Variants in FRY observed in about 807,000 individuals in gnomAD.
The protein encoded by FRY is FRY microtubule binding protein.
FRY carries 128 observed loss-of-function variants against 348.4 expected under a neutral mutation model. The observed-to-expected ratio is 0.37, with a 90% CI of 0.32 to 0.43. The LOEUF is 0.43. Ranked by LOEUF, FRY falls within the 20% of genes least tolerant of loss-of-function variation. FRY has a pLI of 1.00. For missense variants in FRY, 2,736 were observed against 3,695.2 expected, an observed-to-expected ratio of 0.74 and a Z score of 6.73; for synonymous variants, 1,370 against 1,374.7, an observed-to-expected ratio of 1.00 and a Z score of 0.08.
Position 32,225,850 on chromosome 13 carries a change from G to T in FRY, c.5082G>T (p.Leu1694Phe). Residue 1694 changes from leucine to phenylalanine, a missense_variant, in exon 39 of 61, where the codon TTG becomes TTT. Leu to Phe is a conservative substitution (Grantham distance 22, BLOSUM62 0). Coordinates refer to ENST00000542859, the MANE Select transcript of FRY (RefSeq NM_023037.3). Reference sequence around the variant, plus strand: ...GCAAAAAACTGCTTCTTCACCTCTTGATTGCCCTCTCTTGCAACAGCAATT... The same window carrying T: ...GCAAAAAACTGCTTCTTCACCTCTTTATTGCCCTCTCTTGCAACAGCAATT... ...EHSKKLLLHLLIALSCNSNFH... is the reference protein window; with the variant it reads ...EHSKKLLLHLFIALSCNSNFH... 2 of 1,614,106 alleles carry T rather than the reference G, an allele frequency of 1.2e-6. No homozygotes were observed. Among genetic ancestry groups the T allele is most frequent in the Non-Finnish European group, 1.7e-6 (2 of 1,179,970 alleles).
intron 1 of FRY, among the ~76,000 whole-genome samples, chr13:32,043,429 C>T (rs543091904): frequency 6.6e-6 from 1 of 152,316 alleles, no homozygotes; most frequent in African/African-American, 2.4e-5. Context: ...TATGAAGTGT[C>T]AAGAGCCGCA....
chr13:32,189,300 T>C (rs530426949), intron 28 of FRY, among the ~76,000 whole-genome samples: 13 of 152,262 alleles, frequency 8.5e-5, no homozygotes, highest in African/African-American at 2.9e-4. Flanking sequence ...TCAGACATGT[T>C]ATAACAAGTT....
chr13:32,181,153 G>C (rs1029811020), intron 23 of FRY, among the ~76,000 whole-genome samples: 15 of 152,038 alleles, frequency 9.9e-5, no homozygotes, highest in African/African-American at 3.4e-4. Context: ...GCCTCCCAAA[G>C]TGCTAGGATT....
intron 20 of FRY, among the ~76,000 whole-genome samples, chr13:32,177,338 C>A (rs1413790431): frequency 6.6e-6 from 1 of 152,132 alleles, no homozygotes; most frequent in African/African-American, 2.4e-5. Context: ...ACTATAATCC[C>A]AGCACTTTGG....
At position 32,253,463 on chromosome 13, in the gene FRY, T is replaced by C. The variant is rs527794210; in HGVS notation, c.7246-761T>C. 1.4e-4 allele frequency among the ~76,000 whole-genome samples: 21 copies of C among 152,356 alleles called. No individual in the cohort carries two copies. In the South Asian group the frequency reaches 3.7e-3, roughly 27 times the overall value. The stretch of plus-strand genomic sequence containing the variant: ...TACAAAGAATACTATTAATTTTCTT[T>C]AATATCTATCTATGTTCAGTAGAGG... On this transcript the variant is annotated intron_variant, in intron 50 of 60. Transcript: ENST00000542859.
intron 2 of FRY, among the ~76,000 whole-genome samples, chr13:32,091,090 A>G (rs1381861448): frequency 6.6e-6 from 1 of 152,182 alleles, no homozygotes; most frequent in Non-Finnish European, 1.5e-5. Context: ...TTTAGGTGAA[A>G]GGCAGCATTT....
intron 30 of FRY, 112 bp from the exon 31 acceptor site, chr13:32,202,244 A>T: frequency 1.1e-6 from 1 of 906,884 alleles, no homozygotes; most frequent in South Asian, 1.4e-5. Context: ...TTCTATTTTT[A>T]AATGGGAATT....
intron 53 of FRY, among the ~76,000 whole-genome samples, chr13:32,264,157 T>C (rs957044941): frequency 3.3e-5 from 5 of 152,204 alleles, no homozygotes; most frequent in Admixed American, 3.3e-4. Context: ...AAATGTATTT[T>C]AATAAGGACT....
intron 29 of FRY, among the ~76,000 whole-genome samples, chr13:32,194,535 G>T (rs1353164322): frequency 6.6e-6 from 1 of 152,062 alleles, no homozygotes; most frequent in Non-Finnish European, 1.5e-5. Context: ...TAATTGCCTG[G>T]AAATTCACAG....
chr13:32,045,116 C>G (rs1356896194), intron 1 of FRY, among the ~76,000 whole-genome samples: 1 of 152,182 alleles, frequency 6.6e-6, no homozygotes, highest in African/African-American at 2.4e-5. Context: ...TTCTTATCAA[C>G]TTGCTGAACC....
intron 59 of FRY, among the ~76,000 whole-genome samples, chr13:32,292,171 C>T (rs1445143737): frequency 4.6e-5 from 7 of 151,688 alleles, no homozygotes; most frequent in African/African-American, 1.2e-4. Flanking sequence ...TTAGTGGAGA[C>T]GATGTTTCAC....
At chr13:32,186,176 T>C in intron 26 of FRY, 84 bp from the exon 27 acceptor site, 2 of 1,073,966 alleles carry the variant, frequency 1.9e-6, no homozygotes, top group Non-Finnish European at 2.9e-6. Flanking sequence ...AAGTGGTTCC[T>C]TTCCTCAAAA....
chr13:32,128,304 G>A (rs1879151630), intron 7 of FRY, among the ~76,000 whole-genome samples: 1 of 152,118 alleles, frequency 6.6e-6, no homozygotes, highest in Admixed American at 6.5e-5. Context: ...ATTTAATAGT[G>A]AATAGTGATT....
intron 2 of FRY, among the ~76,000 whole-genome samples, chr13:32,095,337 CTTTTTTTTTTTTTT>C (rs61006034): frequency 6.9e-5 from 4 of 58,292 alleles, no homozygotes; most frequent in African/African-American, 7.1e-5. Context: ...TGTATGGAAG[CTTTTTTTTTTTTTT>C]TTTTTTTTTT....
intron 24 of FRY, among the ~76,000 whole-genome samples, chr13:32,183,331 TTG>T (rs1444787802): frequency 1.3e-5 from 2 of 152,238 alleles, no homozygotes; most frequent in East Asian, 3.8e-4. Context: ...TTTTGGGTTT[TTG>T]TGTGTTTGCT....
Position 32,074,418 on chromosome 13 carries a change from A to T in FRY, c.71-4416A>T, listed in dbSNP as rs868050106. Reference sequence around the variant, plus strand: ...AACGGATTCAATAATTAGAAACCTAATTAATATATAAAAGTAATGCTCTTC... The same window carrying T: ...AACGGATTCAATAATTAGAAACCTATTTAATATATAAAAGTAATGCTCTTC... On this transcript the variant is annotated intron_variant, in intron 1 of 60. Transcript: ENST00000542859. Among the ~76,000 whole-genome samples the T allele has an allele frequency of 7.9e-5, 12 of 152,318 alleles. No individual in the cohort carries two copies. In the South Asian group the frequency reaches 2.1e-3, roughly 26 times the overall value.
At chr13:32,147,222 T>A in intron 11 of FRY, 60 bp from the exon 12 acceptor site, 1 of 1,027,310 alleles carries the variant, frequency 9.7e-7, no homozygotes, top group Admixed American at 1.8e-5. Flanking sequence ...AAGAGCCATC[T>A]CTAGAACCTC....
At chr13:32,138,011 A>C (rs543583495) in intron 11 of FRY, among the ~76,000 whole-genome samples, 2 of 152,212 alleles carry the variant, frequency 1.3e-5, no homozygotes, top group Non-Finnish European at 2.9e-5. Flanking sequence ...TCAAATTGGC[A>C]GTGAAATATA....
At chr13:32,116,874 C>G (rs1222258885) in intron 3 of FRY, among the ~76,000 whole-genome samples, 3 of 151,988 alleles carry the variant, frequency 2.0e-5, no homozygotes, top group Admixed American at 2.0e-4. Context: ...AATTATTGTC[C>G]AAAACCATAC....
Sources: allele counts gnomAD v4.1 joint callset (sites outside exome capture counted in the v4.1 genomes callset), GRCh38; gene constraint gnomAD v4.1.1; transcripts MANE v1.5; gene names NCBI Gene and HGNC (gene_info 2026-07-23, HGNC 2026-07-21).